The following UGT3A2 variants were observed in gnomAD, a reference collection of about 807,000 sequenced individuals.
UGT3A2 encodes the protein UDP-glycosyltransferase 3A2.
A neutral mutation model predicts 39.8 loss-of-function variants in UGT3A2; 32 were observed. The ratio of observed to expected loss-of-function variants is 0.80; its 90% CI spans 0.61 to 1.08. The LOEUF (loss-of-function observed/expected upper bound fraction) is 1.08. Ranked by LOEUF, UGT3A2 falls within the 50% of genes least tolerant of loss-of-function variation. The pLI, the probability that UGT3A2 is intolerant of heterozygous loss-of-function variation, is 0.00. For synonymous variants in UGT3A2, 241 were observed against 230.7 expected (o/e 1.04, Z -0.40); for missense variants, 611 against 637.1 (o/e 0.96, Z 0.44).
intron 5 of UGT3A2, 124 bp from the exon 6 acceptor site, chr5:36,038,140 T>A (rs1741891127): frequency 1.0e-5 from 10 of 999,814 alleles, no homozygotes; most frequent in Non-Finnish European, 1.4e-6. Context: ...TTGTATCTAA[T>A]GACTGTGCTT....
In UGT3A2 at chr5:36,039,581, G is replaced by A. The variant is rs1741938378; in HGVS notation, c.971C>T (p.Pro324Leu). 4 of 1,614,128 alleles carry A rather than the reference G, an allele frequency of 2.5e-6. 1 individual carries two copies. Among genetic ancestry groups the A allele is most frequent in the East Asian group, 4.5e-5 (2 of 44,874 alleles). Residue 324 changes from proline (P) to leucine (L), a missense_variant, in exon 5 of 7, where the codon CCC becomes CTC. Physicochemically the swap from Pro to Leu is moderately conservative, Grantham distance 98 (BLOSUM62 -3). Transcript: ENST00000282507. Reference sequence around the variant, plus strand: ...CTGACACTTCCATATCACCCCTTGGGGTAGGTGAGCAAAGGCATTGTTCAT... The same window carrying A: ...CTGACACTTCCATATCACCCCTTGGAGTAGGTGAGCAAAGGCATTGTTCAT... ...KEMNNAFAHL[P>L]QGVIWKCQCS...
Position 36,061,996 on chromosome 5 carries a change from C to T in UGT3A2, c.196+2253G>A, listed in dbSNP as rs1483575916. Among the ~76,000 whole-genome samples the T allele has an allele frequency of 7.1e-3, 1,057 of 149,828 alleles. 9 individuals carry two copies. The highest frequency in any genetic ancestry group is 0.014 in the Middle Eastern group (4 of 286). The stretch of plus-strand genomic sequence containing the variant: ...TTTGCATTTCTCTGATGGCCAGTGA[C>T]GATGAGCATTTTTTCATGTGTTTTT... On this transcript the variant is annotated intron_variant, in intron 2 of 6. Coordinates refer to ENST00000282507, the MANE Select transcript of UGT3A2 (RefSeq NM_174914.4).
At chr5:36,045,090 A>G (rs938029058) in intron 4 of UGT3A2, among the ~76,000 whole-genome samples, 4 of 152,202 alleles carry the variant, frequency 2.6e-5, no homozygotes, top group Admixed American at 2.6e-4. Context: ...GTTATACTAC[A>G]AGACTATAGT....
At chr5:36,055,380 G>A (rs368753869) in intron 2 of UGT3A2, among the ~76,000 whole-genome samples, 5 of 151,900 alleles carry the variant, frequency 3.3e-5, no homozygotes, top group East Asian at 1.9e-4. Flanking sequence ...TTACAGGCAC[G>A]AGCCACCATG....
chr5:36,066,440 G>C (rs990759379), intron 1 of UGT3A2, among the ~76,000 whole-genome samples: 1 of 152,102 alleles, frequency 6.6e-6, no homozygotes, highest in Non-Finnish European at 1.5e-5. Flanking sequence ...CCAGCCCTGC[G>C]GGATGGGGGC....
rs896976670 is a variant in UGT3A2, at chr5:36,039,114, C to A, written c.1075+363G>T. Among the ~76,000 whole-genome samples the A allele has an allele frequency of 7.0e-4, 106 of 152,290 alleles. 1 individual carries two copies. The highest frequency in any genetic ancestry group is 2.5e-3 in the African/African-American group (102 of 41,554). ...CACAAAGTAACTAAAATTTGTGGCA[C>A]CTCTCCCAACCCCTAGTATATACAT... On this transcript the variant is annotated intron_variant, in intron 5 of 6. Transcript: ENST00000282507.
Position 36,035,249 on chromosome 5 carries a change from T to A in UGT3A2, c.*449A>T, listed in dbSNP as rs948841924. 1.1e-5 allele frequency: 2 copies of A among 182,530 alleles called. No homozygotes were observed. The highest frequency in any genetic ancestry group is 4.7e-5 in the African/African-American group (2 of 42,716). 11.3% of individuals were successfully genotyped at this position (182,530 alleles called of 1,614,324 possible). A position where few individuals can be genotyped will look rare whatever the true frequency, so the allele number is the denominator to read the frequency against. ...GAACAAAACAGAAACTGAAAGAATA[T>A]GCAAGGTGTCTTTCTTGGATGTTAT... On this transcript the variant is annotated 3_prime_UTR_variant, in exon 7 of 7. Transcript: ENST00000282507.
rs749021510 is a variant in UGT3A2 at position 36,039,590 on chromosome 5, G to C, written c.962C>G (p.Ala321Gly). ...CCATATCACCCCTTGGGGTAGGTGA[G>C]CAAAGGCATTGTTCATCTCCTTGAA... ...EIFKEMNNAF[A>G]HLPQGVIWKC... Residue 321 changes from alanine to glycine, a missense_variant, in exon 5 of 7, where the codon GCT becomes GGT. By Grantham distance (60) the Ala-to-Gly change is moderately conservative. Transcript: ENST00000282507. 6.2e-7 allele frequency: 1 copy of C among 1,614,194 alleles called. No individual in the cohort carries two copies. Among genetic ancestry groups the C allele is most frequent in the Non-Finnish European group, 8.5e-7 (1 of 1,180,036 alleles).
chr5:36,058,913 T>G (rs1289116818), intron 2 of UGT3A2, among the ~76,000 whole-genome samples: 1 of 152,002 alleles, frequency 6.6e-6, no homozygotes, highest in African/African-American at 2.4e-5. Flanking sequence ...ATAGGGACAT[T>G]CAGGGACAAA....
rs1742763963 is a variant in UGT3A2 at position 36,063,129 on chromosome 5, TC to T, written c.196+1119del. Among the ~76,000 whole-genome samples, 3 of 152,308 alleles carry T rather than the reference TC, an allele frequency of 2.0e-5. No homozygotes were observed. The South Asian group carries it at 6.2e-4, about 32-fold the overall frequency. On this transcript the variant is annotated intron_variant, in intron 2 of 6. Transcript: ENST00000282507. ...TGAAAATATCTCAGAATTTTCTCCC[TC>T]CAAGATGCTTGCTTTTGGATTTTTT... is the stretch of plus-strand genomic sequence containing the variant.
intron 4 of UGT3A2, 29 bp downstream of exon 4, chr5:36,048,860 C>T (rs1742246443): frequency 6.2e-7 from 1 of 1,603,244 alleles, no homozygotes. Flanking sequence ...CTGCGTGAAT[C>T]CCAAACTGAA....
At chr5:36,050,277 T>C (rs1353015765) in intron 3 of UGT3A2, among the ~76,000 whole-genome samples, 2 of 152,176 alleles carry the variant, frequency 1.3e-5, no homozygotes, top group Non-Finnish European at 2.9e-5. Context: ...TCTTTTGCAA[T>C]GTATTCCCAA....
chr5:36,049,441 T>C (rs1742274791), intron 3 of UGT3A2, 21 bp from the exon 4 acceptor site: 1 of 1,501,376 alleles, frequency 6.7e-7, no homozygotes, highest in Non-Finnish European at 9.0e-7. Flanking sequence ...AAAATGATAA[T>C]AAATATTCAT....
At chr5:36,062,035 G>A (rs1466710494) in intron 2 of UGT3A2, among the ~76,000 whole-genome samples, 1 of 151,884 alleles carries the variant, frequency 6.6e-6, no homozygotes, top group Non-Finnish European at 1.5e-5. Context: ...CTGCATAAAT[G>A]TCTTCTTTTG....
At chr5:36,059,249 C>CA (rs1461875326) in intron 2 of UGT3A2, among the ~76,000 whole-genome samples, 1 of 151,958 alleles carries the variant, frequency 6.6e-6, no homozygotes, top group African/African-American at 2.4e-5. Flanking sequence ...CTGCTGGCAG[C>CA]AACATAAGGT....
At chr5:36,057,358 A>G (rs1261890225) in intron 2 of UGT3A2, among the ~76,000 whole-genome samples, 1 of 152,202 alleles carries the variant, frequency 6.6e-6, no homozygotes. Flanking sequence ...TTCTATTTCA[A>G]AGTTTCAGAG....
chr5:36,039,081 C>G (rs1489651501), intron 5 of UGT3A2, among the ~76,000 whole-genome samples: 1 of 152,246 alleles, frequency 6.6e-6, no homozygotes, highest in Admixed American at 6.5e-5. Context: ...TGTGGTTGAA[C>G]TGGTGCTCAC....
intron 2 of UGT3A2, among the ~76,000 whole-genome samples, chr5:36,062,190 G>C (rs1375817672): frequency 2.7e-5 from 4 of 150,138 alleles, no homozygotes; most frequent in Non-Finnish European, 6.0e-5. Context: ...CATTTTGTAG[G>C]TTGCCTGTTC....
At position 36,035,890 on chromosome 5, in the gene UGT3A2, G is replaced by T. The variant is rs763719470; in HGVS notation, c.1380C>A (p.Asp460Glu). ...TCGCGCCCCCTGTCTGGAGGACGTG[G>T]TCAATCCAGCCCACCAGCCGCTGTG... ...SPTQRLVGWI[D>E]HVLQTGGATH... is the part of the protein sequence containing the mutation. The change falls in exon 7 of 7, where the codon GAC (aspartate) becomes GAA (glutamate). Residue 460 changes from aspartate (D) to glutamate (E), a missense_variant. Coordinates refer to ENST00000282507, the MANE Select transcript of UGT3A2 (RefSeq NM_174914.4). 1.2e-6 allele frequency: 2 copies of T among 1,614,188 alleles called. No homozygotes were observed. The highest frequency in any genetic ancestry group is 1.7e-6 in the Non-Finnish European group (2 of 1,180,032).
Sources: gnomAD v4.1 joint callset for allele counts (sites outside exome capture counted in the v4.1 genomes callset) on GRCh38, gnomAD v4.1.1 for gene constraint, MANE v1.5 for transcripts, NCBI Gene and HGNC (gene_info 2026-07-23, HGNC 2026-07-21) for gene names.